KLHL1: variants seen among roughly 807,000 people sequenced by gnomAD.
KLHL1 encodes kelch like family member 1, also known as kelch-like protein 1.
KLHL1 carries 47 observed loss-of-function variants against 77.7 expected under a neutral mutation model. That is an observed-to-expected ratio of 0.60 (90% CI 0.48 to 0.77). KLHL1 has a LOEUF of 0.77. Among genes scored for constraint, KLHL1 ranks in the 30% least tolerant of loss-of-function variants. The probability of loss-of-function intolerance (pLI) is 0.00; values close to 1 mark genes in which losing one functional copy is unlikely to be tolerated. For synonymous variants in KLHL1, 360 were observed against 325.2 expected, an observed-to-expected ratio of 1.11 and a Z score of -1.15; for missense variants, 925 against 910.8, an observed-to-expected ratio of 1.02 and a Z score of -0.20.
chr13:69,838,011 T>C (rs1239554041), intron 6 of KLHL1, among the ~76,000 whole-genome samples: 2 of 151,670 alleles, frequency 1.3e-5, no homozygotes, highest in African/African-American at 4.8e-5. Flanking sequence ...GGAATTGCTC[T>C]TTTCCAAAAA....
chr13:70,094,393 T>TTATATATATATACATATATA (rs1555296827), intron 1 of KLHL1, among the ~76,000 whole-genome samples: 9 of 137,144 alleles, frequency 6.6e-5, no homozygotes, highest in Non-Finnish European at 1.2e-4. Context: ...GCAATCATCT[T>TTATATATATATACATATATA]TATATATATA....
At chr13:69,818,570 T>C (rs569346052) in intron 6 of KLHL1, among the ~76,000 whole-genome samples, 1 of 152,272 alleles carries the variant, frequency 6.6e-6, no homozygotes, top group Admixed American at 6.5e-5. Context: ...TATCCTGTCT[T>C]AACTTAGTTC....
intron 1 of KLHL1, among the ~76,000 whole-genome samples, chr13:70,001,656 A>AT (rs1885293231): frequency 9.5e-6 from 1 of 105,378 alleles, no homozygotes; most frequent in Non-Finnish European, 2.0e-5. Context: ...ATATCTATCT[A>AT]TTATCTATCT....
At chr13:69,943,988 A>G (rs1010902643) in intron 3 of KLHL1, among the ~76,000 whole-genome samples, 1 of 152,200 alleles carries the variant, frequency 6.6e-6, no homozygotes, top group Admixed American at 6.5e-5. Context: ...ATTTCTCTCA[A>G]TATAATTTAT....
In KLHL1 at chr13:69,764,103, C is replaced by T. The variant is rs1045856984; in HGVS notation, c.1640-23547G>A. Reference sequence around the variant, plus strand: ...GAGAGGTTGACAAAATGGGGGAAATCGTTGAATTAAATTTAGCCTGAAGCT... The same window carrying T: ...GAGAGGTTGACAAAATGGGGGAAATTGTTGAATTAAATTTAGCCTGAAGCT... On this transcript the variant is annotated intron_variant, in intron 7 of 10. Coordinates refer to ENST00000377844, the MANE Select transcript of KLHL1 (RefSeq NM_020866.3). Among the ~76,000 whole-genome samples the T allele has an allele frequency of 3.9e-5, 6 of 152,086 alleles. No homozygotes were observed. The South Asian group carries it at 6.2e-4, about 16-fold the overall frequency.
intron 7 of KLHL1, among the ~76,000 whole-genome samples, chr13:69,779,419 T>G (rs892586691): frequency 6.9e-6 from 1 of 145,484 alleles, no homozygotes. Flanking sequence ...TTTCCTTCCC[T>G]TTTTCCTTCT....
At chr13:70,073,633 C>A (rs12430261) in intron 1 of KLHL1, among the ~76,000 whole-genome samples, 6,624 of 151,664 alleles carry the variant, frequency 0.044, 407 homozygotes, top group African/African-American at 0.14. Flanking sequence ...TCTAAAAACC[C>A]GGGTGTGGTG....
At chr13:70,008,506 A>G (rs1021859670) in intron 1 of KLHL1, among the ~76,000 whole-genome samples, 1 of 152,062 alleles carries the variant, frequency 6.6e-6, no homozygotes, top group Admixed American at 6.6e-5. Flanking sequence ...GCACCCAAAT[A>G]TGCATGTTTT....
chr13:69,718,041 T>A (rs1162835739), intron 9 of KLHL1, among the ~76,000 whole-genome samples: 1 of 152,138 alleles, frequency 6.6e-6, no homozygotes, highest in Non-Finnish European at 1.5e-5. Context: ...CTCTTGCCAA[T>A]GGACTTATCA....
At chr13:69,784,908 G>GAGAC (rs1229789761) in intron 7 of KLHL1, among the ~76,000 whole-genome samples, 465 of 14,526 alleles carry the variant, frequency 0.032, 3 homozygotes, top group African/African-American at 0.081. Flanking sequence ...TTTTTTTTTT[G>GAGAC]AGACAGAGTC....
intron 1 of KLHL1, among the ~76,000 whole-genome samples, chr13:70,058,874 T>A (rs1317281112): frequency 1.3e-5 from 2 of 152,046 alleles, no homozygotes; most frequent in Admixed American, 1.3e-4. Context: ...CATAGACCAA[T>A]GGGACAGAAT....
At chr13:69,956,126 TTGATATATA>T (rs1220590213) in intron 3 of KLHL1, among the ~76,000 whole-genome samples, 2 of 142,184 alleles carry the variant, frequency 1.4e-5, no homozygotes, top group Non-Finnish European at 3.1e-5. Context: ...ATATATATAT[TTGATATATA>T]TGATATATAT....
chr13:69,706,835 GT>G (rs1316154628), intron 10 of KLHL1, among the ~76,000 whole-genome samples: 1 of 151,776 alleles, frequency 6.6e-6, no homozygotes, highest in Non-Finnish European at 1.5e-5. Flanking sequence ...CAGCTAAGAT[GT>G]TTTTCACTGT....
chr13:70,012,474 A>G (rs1001473283), intron 1 of KLHL1, among the ~76,000 whole-genome samples: 10 of 152,068 alleles, frequency 6.6e-5, no homozygotes, highest in Admixed American at 6.5e-5. Flanking sequence ...TCTCCTTCCT[A>G]TGAACTCCAG....
rs1888098289 is a variant in KLHL1, at chr13:70,107,471, A to G, written c.229T>C (p.Ser77Pro). The change falls in exon 1 of 11, where the codon TCT (serine) becomes CCT (proline). Residue 77 changes from serine to proline, a missense_variant. Coordinates refer to ENST00000377844, the MANE Select transcript of KLHL1 (RefSeq NM_020866.3). ...GAAGAGGACGGGGAGGACGATGAAG[A>G]GGAAGAGGAGGAAGGCTTCTTCCAG... Reference protein sequence around the residue: ...TFWKKPSSSSSSSSSPSSSSS... With the variant: ...TFWKKPSSSSPSSSSPSSSSS... 1 of 1,614,064 alleles carries G rather than the reference A, an allele frequency of 6.2e-7. No individual in the cohort carries two copies. The highest frequency in any genetic ancestry group is 1.3e-5 in the African/African-American group (1 of 75,038).
intron 1 of KLHL1, among the ~76,000 whole-genome samples, chr13:70,010,709 G>C (rs2137337474): frequency 6.6e-6 from 1 of 151,848 alleles, no homozygotes; most frequent in African/African-American, 2.4e-5. Context: ...TGGCCAATAT[G>C]GTGAAACCCC....
At chr13:70,067,975 C>T (rs1276040089) in intron 1 of KLHL1, among the ~76,000 whole-genome samples, 1 of 151,510 alleles carries the variant, frequency 6.6e-6, no homozygotes, top group African/African-American at 2.4e-5. Context: ...CTACAGTATA[C>T]ACTGTTTCTT....
chr13:69,721,079 A>ATATATATATATATATATATATATATATAC (rs1555300737), intron 8 of KLHL1, among the ~76,000 whole-genome samples: 3 of 67,636 alleles, frequency 4.4e-5, no homozygotes, highest in Non-Finnish European at 1.1e-4. Context: ...ATATATATAT[A>ATATATATATATATATATATATATATATAC]AAGCTATGTA....
chr13:69,968,560 TG>T, intron 2 of KLHL1, among the ~76,000 whole-genome samples: 1 of 151,180 alleles, frequency 6.6e-6, no homozygotes, highest in South Asian at 2.1e-4. Context: ...AAAAAGAAAT[TG>T]AAGGTATTAA....
Sources: allele counts gnomAD v4.1 joint callset (sites outside exome capture counted in the v4.1 genomes callset), GRCh38; gene constraint gnomAD v4.1.1; transcripts MANE v1.5; gene names NCBI Gene and HGNC (gene_info 2026-07-23, HGNC 2026-07-21).